ANKS1A: variants seen among roughly 807,000 people sequenced by gnomAD.
ANKS1A encodes the protein ankyrin repeat and SAM domain-containing protein 1A.
A neutral mutation model predicts 120.3 loss-of-function variants in ANKS1A; 55 were observed. That is an observed-to-expected ratio of 0.46 (90% confidence interval 0.37 to 0.57). The LOEUF (loss-of-function observed/expected upper bound fraction) is 0.57. ANKS1A is among the 20% of genes least tolerant of loss of function. The pLI, the probability that ANKS1A is intolerant of heterozygous loss-of-function variation, is 0.00. For missense variants in ANKS1A, 1,123 were observed against 1,480.3 expected, an observed-to-expected ratio of 0.76 and a Z score of 3.96; for synonymous variants, 590 against 604.7, an observed-to-expected ratio of 0.98 and a Z score of 0.36.
chr6:34,978,570 C>A (rs1157508057), intron 3 of ANKS1A, among the ~76,000 whole-genome samples: 2 of 152,086 alleles, frequency 1.3e-5, no homozygotes, highest in African/African-American at 4.8e-5. Context: ...CTTTGGGAGG[C>A]CGAGGCGGGC....
chr6:34,947,250 A>G (rs577515973), intron 1 of ANKS1A, among the ~76,000 whole-genome samples: 1 of 143,896 alleles, frequency 6.9e-6, no homozygotes, highest in Non-Finnish European at 1.5e-5. Flanking sequence ...GGTTCAGGTG[A>G]TTCTCCTGTC....
At chr6:34,934,756 G>A (rs1467529013) in intron 1 of ANKS1A, among the ~76,000 whole-genome samples, 1 of 152,166 alleles carries the variant, frequency 6.6e-6, no homozygotes, top group African/African-American at 2.4e-5. Flanking sequence ...GTTTCTTTTG[G>A]CTAGGGCCAA....
chr6:35,085,705 C>A lies in ANKS1A; in HGVS notation c.3133-61C>A, dbSNP rs889950468. ...GACACATGGTCCCTGCGAGGAAGGG[C>A]ATATCCAGTGTGAAGCGGCTCCTGA... On this transcript the variant is annotated intron_variant, in intron 21 of 23. Transcript: ENST00000360359. The surrounding 1 kb of genome is among the most constrained non-coding windows in gnomAD (Gnocchi z 4.7). The A allele has an allele frequency of 7.9e-6, 12 of 1,511,852 alleles. No homozygotes were observed. Among genetic ancestry groups the A allele is most frequent in the Non-Finnish European group, 1.1e-5 (12 of 1,125,910 alleles). 93.7% of individuals were successfully genotyped at this position (1,511,852 alleles called of 1,614,324 possible).
At chr6:35,018,861 T>C (rs1263167861) in intron 11 of ANKS1A, among the ~76,000 whole-genome samples, 1 of 152,158 alleles carries the variant, frequency 6.6e-6, no homozygotes, top group Non-Finnish European at 1.5e-5. Context: ...GGACACGAGC[T>C]CATTCTTTTT....
At chr6:35,018,933 G>T (rs1774188092) in intron 11 of ANKS1A, among the ~76,000 whole-genome samples, 1 of 152,106 alleles carries the variant, frequency 6.6e-6, no homozygotes, top group Non-Finnish European at 1.5e-5. Flanking sequence ...TTACTGTGCT[G>T]TCCTGGAAGG....
At chr6:35,054,010 G>A in intron 11 of ANKS1A, 89 bp from the exon 12 acceptor site, 1 of 1,035,120 alleles carries the variant, frequency 9.7e-7, no homozygotes, top group Non-Finnish European at 1.5e-6. Flanking sequence ...AAGAGACCTG[G>A]AGGTCAGACC....
chr6:34,899,801 G>A (rs1767259511), intron 1 of ANKS1A, among the ~76,000 whole-genome samples: 1 of 152,238 alleles, frequency 6.6e-6, no homozygotes, highest in Admixed American at 6.5e-5. Context: ...CTCTTCCTCT[G>A]ATCCAGCCTG....
intron 10 of ANKS1A, among the ~76,000 whole-genome samples, chr6:35,002,411 A>G (rs1267604810): frequency 6.6e-6 from 1 of 152,118 alleles, no homozygotes; most frequent in African/African-American, 2.4e-5. Flanking sequence ...CGCGGGACTC[A>G]TTTTCCTTAA....
At chr6:34,965,707 T>C (rs939267603) in intron 1 of ANKS1A, among the ~76,000 whole-genome samples, 4 of 152,014 alleles carry the variant, frequency 2.6e-5, no homozygotes, top group African/African-American at 9.7e-5. Context: ...TGGGCTCAGA[T>C]GGCTTTACTG....
chr6:34,998,150 G>T lies in ANKS1A; in HGVS notation c.1423+3728G>T, dbSNP rs116947312. Among the ~76,000 whole-genome samples the T allele has an allele frequency of 2.9e-4, 44 of 152,336 alleles. No individual in the cohort carries two copies. The East Asian group carries it at 7.9e-3, about 27-fold the overall frequency. ...CCTGGCAGGAAAAGCTAGCCTAGAA[G>T]GAGTGCCTGCTAAGGTTAGTATAAG... is the stretch of plus-strand genomic sequence containing the variant. On this transcript the variant is annotated intron_variant, in intron 10 of 23. Transcript: ENST00000360359.
intron 1 of ANKS1A, among the ~76,000 whole-genome samples, chr6:34,938,952 T>C (rs1769397282): frequency 6.6e-6 from 1 of 152,194 alleles, no homozygotes; most frequent in Non-Finnish European, 1.5e-5. Context: ...CTCGCCACTG[T>C]GCTCCAGCCT....
At chr6:35,073,541 AG>A (rs1460722990) in intron 13 of ANKS1A, among the ~76,000 whole-genome samples, 1 of 152,208 alleles carries the variant, frequency 6.6e-6, no homozygotes, top group Non-Finnish European at 1.5e-5. Flanking sequence ...CCTCTTCCTC[AG>A]GGACTGGACC....
chr6:34,920,417 C>T (rs546899172), intron 1 of ANKS1A, among the ~76,000 whole-genome samples: 3 of 151,824 alleles, frequency 2.0e-5, no homozygotes, highest in South Asian at 4.2e-4. Context: ...GGGTCTTGCT[C>T]TGTTGCCCAG....
rs1302823617 is a variant in ANKS1A at position 35,088,802 on chromosome 6, G to A, written c.*193G>A. On this transcript the variant is annotated 3_prime_UTR_variant, in exon 24 of 24. Transcript: ENST00000360359. ...CAGAACGAGCCCTGCCTTGGCTGTG[G>A]AGAAGCACTCCAGGCCGCTAGCAGA... 6.6e-7 allele frequency: 1 copy of A among 1,504,576 alleles called. No homozygotes were observed. Among genetic ancestry groups the A allele is most frequent in the Non-Finnish European group, 8.9e-7 (1 of 1,127,814 alleles). The allele number at this position is 1,504,576 out of a possible 1,614,324, so 93.2% of individuals were successfully genotyped here. A position where few individuals can be genotyped will look rare whatever the true frequency, so the allele number is the denominator to read the frequency against.
chr6:34,936,333 G>T (rs78606646), intron 1 of ANKS1A, among the ~76,000 whole-genome samples: 93 of 152,322 alleles, frequency 6.1e-4, no homozygotes, highest in African/African-American at 2.2e-3. Flanking sequence ...GATTGTGCCT[G>T]TCCTCACAGT....
At chr6:35,075,415 C>CTTTTT (rs747359283) in intron 13 of ANKS1A, among the ~76,000 whole-genome samples, 2 of 129,888 alleles carry the variant, frequency 1.5e-5, no homozygotes, top group African/African-American at 5.7e-5. Flanking sequence ...GGTTAATTTT[C>CTTTTT]TTTTTTTTTT....
chr6:34,965,478 A>G (rs1379247563), intron 1 of ANKS1A, among the ~76,000 whole-genome samples: 1 of 151,982 alleles, frequency 6.6e-6, no homozygotes, highest in East Asian at 1.9e-4. Context: ...CAGCCTCCTG[A>G]GTAGCTAGGA....
chr6:35,091,846 A>G (rs978934890), downstream of ANKS1A, among the ~76,000 whole-genome samples: 1 of 152,212 alleles, frequency 6.6e-6, no homozygotes, highest in African/African-American at 2.4e-5. Flanking sequence ...TTAGACATAA[A>G]CAACTAGCTA....
Position 34,982,988 on chromosome 6 carries a change from T to C in ANKS1A, c.809-125T>C, listed in dbSNP as rs946479415. ...GTAAACTGTTCTTGAATAGCTGGAT[T>C]AAATGGCTCTGGATGAAAAATGTTG... On this transcript the variant is annotated intron_variant, in intron 5 of 23. Transcript: ENST00000360359. The surrounding 1 kb of genome is among the most constrained non-coding windows in gnomAD (Gnocchi z 4.9). 5.4e-5 allele frequency: 67 copies of C among 1,245,472 alleles called. No homozygotes were observed. In the African/African-American group the frequency reaches 7.3e-4, roughly 14 times the overall value. 77.2% of individuals were successfully genotyped at this position (1,245,472 alleles called of 1,614,324 possible).
Sources: gnomAD v4.1 joint callset for allele counts (sites outside exome capture counted in the v4.1 genomes callset) on GRCh38, gnomAD v4.1.1 for gene constraint, Gnocchi (gnomAD v3.1) non-coding constraint, MANE v1.5 for transcripts, NCBI Gene and HGNC (gene_info 2026-07-23, HGNC 2026-07-21) for gene names.